CTNNA3: variants seen among roughly 807,000 people sequenced by gnomAD.
CTNNA3 encodes the protein catenin alpha 3.
Under a neutral mutation model 95.7 loss-of-function variants are expected in CTNNA3, and 76 were observed. The observed-to-expected ratio is 0.79, with a 90% CI of 0.66 to 0.96. The LOEUF (loss-of-function observed/expected upper bound fraction) is 0.96, where lower values mean the gene tolerates loss of function less well. Among genes scored for constraint, CTNNA3 ranks in the 40% least tolerant of loss-of-function variants. CTNNA3 has a pLI of 0.00. For synonymous variants in CTNNA3, 431 were observed against 374.4 expected (o/e 1.15, Z -1.74); for missense variants, 1,191 against 1,089.8 (o/e 1.09, Z -1.31).
intron 9 of CTNNA3, among the ~76,000 whole-genome samples, chr10:66,690,646 A>T (rs560040023): frequency 2.5e-4 from 38 of 151,032 alleles, no homozygotes; most frequent in Non-Finnish European, 5.1e-4. Flanking sequence ...TACAAAGGAC[A>T]TGAACTCATC....
chr10:66,498,650 C>T (rs570663924), intron 11 of CTNNA3, among the ~76,000 whole-genome samples: 22 of 152,206 alleles, frequency 1.4e-4, no homozygotes, highest in Non-Finnish European at 1.8e-4. Flanking sequence ...GATCTTGGCA[C>T]GTAAACCTTT....
At chr10:66,201,783 CTTT>C (rs1236010501) in intron 13 of CTNNA3, among the ~76,000 whole-genome samples, 7 of 79,360 alleles carry the variant, frequency 8.8e-5, no homozygotes, top group Admixed American at 1.8e-4. Context: ...TTTACTTTTT[CTTT>C]TTTTTTTTTT....
chr10:66,425,353 G>T (rs2093230694), intron 11 of CTNNA3, among the ~76,000 whole-genome samples: 1 of 151,658 alleles, frequency 6.6e-6, no homozygotes, highest in African/African-American at 2.4e-5. Context: ...TGATCTCTAT[G>T]ATCTTGTTTT....
At chr10:66,779,763 T>A (rs1314278220) in intron 7 of CTNNA3, among the ~76,000 whole-genome samples, 1 of 152,220 alleles carries the variant, frequency 6.6e-6, no homozygotes, top group Non-Finnish European at 1.5e-5. Context: ...CATGATACTT[T>A]CTTATAGTTC....
chr10:65,926,098 C>T lies in CTNNA3; in HGVS notation c.2401-5481G>A, dbSNP rs146351910. On this transcript the variant is annotated intron_variant, in intron 17 of 17. Coordinates refer to ENST00000433211, the MANE Select transcript of CTNNA3 (RefSeq NM_013266.4). ...GATTACATACATGTTAAATATATAA[C>T]ATATATGTGAAATTTTTCAATTGGT... Among the ~76,000 whole-genome samples, 45 of 150,038 alleles carry T rather than the reference C, an allele frequency of 3.0e-4. No homozygotes were observed. In the Middle Eastern group the frequency reaches 0.022, roughly 73 times the overall value.
intron 13 of CTNNA3, among the ~76,000 whole-genome samples, chr10:66,253,942 A>T (rs749922611): frequency 6.6e-6 from 1 of 152,216 alleles, no homozygotes; most frequent in Non-Finnish European, 1.5e-5. Flanking sequence ...ATGACAAATT[A>T]TCACTCAAAT....
rs971390286 is a variant in CTNNA3, at chr10:67,742,864, C to G, written c.-2+20570G>C. ...AAATACAAACTACCATCAGAGAATA[C>G]TATAAACACCTCTACACAAATAAAC... On this transcript the variant is annotated intron_variant, in intron 1 of 17. Coordinates refer to the CTNNA3 transcript ENST00000684154. 2.0e-5 allele frequency among the ~76,000 whole-genome samples: 3 copies of G among 151,266 alleles called. No homozygotes were observed. The Admixed American group carries it at 2.0e-4, about 10-fold the overall frequency.
In CTNNA3 at chr10:67,343,904, T is replaced by A. The variant is rs1274390835; in HGVS notation, c.580-124034A>T. 2.0e-5 allele frequency among the ~76,000 whole-genome samples: 3 copies of A among 148,506 alleles called. No individual in the cohort carries two copies. In the East Asian group the frequency reaches 5.8e-4, roughly 29 times the overall value. On this transcript the variant is annotated intron_variant, in intron 5 of 17. Coordinates refer to ENST00000433211, the MANE Select transcript of CTNNA3 (RefSeq NM_013266.4). The stretch of plus-strand genomic sequence containing the variant: ...CCCCAGCTAGTATAACACTACAGCT[T>A]TTATTATATTATATATTTTATATTT...
intron 11 of CTNNA3, among the ~76,000 whole-genome samples, chr10:66,475,986 G>A (rs1052676542): frequency 1.3e-5 from 2 of 152,082 alleles, no homozygotes; most frequent in African/African-American, 4.8e-5. Context: ...TGATAGACTG[G>A]ATAAAGAAAA....
intron 9 of CTNNA3, among the ~76,000 whole-genome samples, chr10:66,662,815 A>T (rs1323194291): frequency 6.6e-6 from 1 of 152,148 alleles, no homozygotes. Context: ...GAGGGAAAAA[A>T]CAGGGAAAGG....
At chr10:66,402,023 G>T (rs1002428808) in intron 11 of CTNNA3, among the ~76,000 whole-genome samples, 10 of 151,958 alleles carry the variant, frequency 6.6e-5, no homozygotes, top group Non-Finnish European at 1.3e-4. Flanking sequence ...CGATAGTGAG[G>T]TTAAAATGCT....
chr10:65,934,921 T>A (rs533958138), intron 17 of CTNNA3, among the ~76,000 whole-genome samples: 1 of 152,090 alleles, frequency 6.6e-6, no homozygotes, highest in African/African-American at 2.4e-5. Context: ...GGCTTAGTAG[T>A]GCAGAACTCA....
At chr10:67,650,813 G>A (rs910058441) in intron 1 of CTNNA3, among the ~76,000 whole-genome samples, 16 of 152,092 alleles carry the variant, frequency 1.1e-4, no homozygotes, top group Non-Finnish European at 2.9e-5. Context: ...GAGGGATGAT[G>A]GAAGATCAGA....
At chr10:66,708,250 G>A (rs1848181936) in intron 9 of CTNNA3, among the ~76,000 whole-genome samples, 1 of 151,272 alleles carries the variant, frequency 6.6e-6, no homozygotes, top group African/African-American at 2.4e-5. Context: ...ACCACTGACT[G>A]GATGTAGCTT....
intron 5 of CTNNA3, among the ~76,000 whole-genome samples, chr10:67,378,984 T>A (rs2132724613): frequency 6.6e-6 from 1 of 152,308 alleles, no homozygotes; most frequent in Non-Finnish European, 1.5e-5. Flanking sequence ...TCAATTGTCG[T>A]TTGTCTACAT....
intron 13 of CTNNA3, among the ~76,000 whole-genome samples, chr10:66,231,203 G>A (rs958107387): frequency 6.6e-6 from 1 of 152,126 alleles, no homozygotes; most frequent in African/African-American, 2.4e-5. Flanking sequence ...GTGGGAATGT[G>A]GACTACTGAG....
intron 7 of CTNNA3, among the ~76,000 whole-genome samples, chr10:66,939,165 T>C (rs1564781399): frequency 6.6e-6 from 1 of 152,206 alleles, no homozygotes; most frequent in African/African-American, 2.4e-5. Context: ...CAAGTAGTAA[T>C]GCTCATCTTT....
intron 13 of CTNNA3, among the ~76,000 whole-genome samples, chr10:66,271,737 C>T (rs2091286328): frequency 6.8e-6 from 1 of 146,496 alleles, no homozygotes; most frequent in Non-Finnish European, 1.5e-5. Context: ...GACTAGACTG[C>T]ATCAAAGTCC....
intron 12 of CTNNA3, among the ~76,000 whole-genome samples, chr10:66,331,346 T>G (rs1339256369): frequency 7.4e-5 from 5 of 67,286 alleles, no homozygotes; most frequent in African/African-American, 1.7e-4. Context: ...TTGTTTGTTT[T>G]TTTTTTTTTT....
Sources: allele counts gnomAD v4.1 joint callset (sites outside exome capture counted in the v4.1 genomes callset), GRCh38; gene constraint gnomAD v4.1.1; transcripts MANE v1.5; gene names NCBI Gene and HGNC (gene_info 2026-07-23, HGNC 2026-07-21).